Variants in ZNF644 observed in about 807,000 individuals in gnomAD.
The protein encoded by ZNF644 is zinc finger motif enhancer binding protein 2.
In ZNF644, 20 loss-of-function variants were observed where a neutral mutation model predicts 108.0. The ratio of observed to expected loss-of-function variants is 0.19; its 90% CI spans 0.13 to 0.27. The LOEUF (loss-of-function observed/expected upper bound fraction) is 0.27, where lower values mean the gene tolerates loss of function less well. ZNF644 is among the 10% of genes least tolerant of loss of function. The pLI is 1.00. For missense variants in ZNF644, 1,338 were observed against 1,548.9 expected, an observed-to-expected ratio of 0.86 and a Z score of 2.29; for synonymous variants, 542 against 539.1, an observed-to-expected ratio of 1.01 and a Z score of -0.08.
In ZNF644 at chr1:90,923,550, G is replaced by A. The variant is rs1570336546; in HGVS notation, c.3689-5396C>T. Among the ~76,000 whole-genome samples, 6 of 152,058 alleles carry A rather than the reference G, an allele frequency of 3.9e-5. No individual in the cohort carries two copies. The South Asian group carries it at 1.2e-3, about 32-fold the overall frequency. ...CATGAAGTATAAAGATACACATTTG[G>A]TCACCTCAAAAGTATTTATTTTCAT... On this transcript the variant is annotated intron_variant, in intron 4 of 5. Transcript: ENST00000337393.
In ZNF644 at chr1:90,938,730, T is replaced by G. The variant is rs775361416; in HGVS notation, c.2624A>C (p.Glu875Ala). Residue 875 changes from glutamate to alanine, a missense_variant, in exon 3 of 6, where the codon GAA (glutamate) becomes GCA (alanine). By Grantham distance (107) the Glu-to-Ala change is moderately radical (BLOSUM62 -1). This residue lies in a region of ZNF644 where 462 missense variants were observed against 472.6 expected (regional missense o/e 0.98). Transcript: ENST00000337393. The surrounding 1 kb of genome is among the most constrained non-coding windows in gnomAD (Gnocchi z 4.2). ...ELGDYTTQAI[E>A]DETYSDINQE... ...ATTAATATCACTATAGGTTTCATCT[T>G]CTATGGCCTGTGTAGTGTAGTCTCC... 1.1e-5 allele frequency: 17 copies of G among 1,613,974 alleles called. No homozygotes were observed. In the South Asian group the frequency reaches 1.9e-4, roughly 18 times the overall value.
At position 90,985,980 on chromosome 1, in the gene ZNF644, A is replaced by G. The variant is rs181420269; in HGVS notation, c.-17-3610T>C. Among the ~76,000 whole-genome samples, 41 of 152,224 alleles carry G rather than the reference A, an allele frequency of 2.7e-4. 2 individuals carry two copies. The East Asian group carries it at 7.1e-3, about 26-fold the overall frequency. Reference sequence around the variant, plus strand: ...ACATTTGTTATCTTTTGTCTTTTTGATAATAGCAAATAAATTTTTTTAAAA... The same window carrying G: ...ACATTTGTTATCTTTTGTCTTTTTGGTAATAGCAAATAAATTTTTTTAAAA... On this transcript the variant is annotated intron_variant, in intron 1 of 5. Coordinates refer to ENST00000337393, the MANE Select transcript of ZNF644 (RefSeq NM_201269.3).
intron 1 of ZNF644, among the ~76,000 whole-genome samples, chr1:90,982,670 G>C (rs1656680690): frequency 6.6e-6 from 1 of 151,212 alleles, no homozygotes; most frequent in African/African-American, 2.4e-5. Flanking sequence ...TAATAGTATG[G>C]CAATGGCAAT....
intron 1 of ZNF644, among the ~76,000 whole-genome samples, chr1:91,018,266 C>T (rs560353607): frequency 8.5e-5 from 13 of 152,310 alleles, no homozygotes; most frequent in Middle Eastern, 6.8e-3. Flanking sequence ...ATGGTGTAAA[C>T]GGCTTGCACT....
chr1:90,977,983 T>C (rs773114361), intron 2 of ZNF644, among the ~76,000 whole-genome samples: 3 of 152,218 alleles, frequency 2.0e-5, no homozygotes, highest in Non-Finnish European at 2.9e-5. Context: ...AGAGTTTTAC[T>C]TTTTACTTTA....
chr1:90,968,541 C>CT lies in ZNF644; in HGVS notation c.44+13768dup, dbSNP rs1406682516. ...GAGAAAATAAGGAAAATTTAAATCT[C>CT]TGTCACATTTATTGTTGTATCATTA... On this transcript the variant is annotated intron_variant, in intron 2 of 5. Transcript: ENST00000337393. Among the ~76,000 whole-genome samples, 6 of 152,164 alleles carry CT rather than the reference C, an allele frequency of 3.9e-5. No individual in the cohort carries two copies. In the East Asian group the frequency reaches 1.2e-3, roughly 29 times the overall value.
chr1:90,997,135 G>C (rs1418898640), intron 1 of ZNF644, among the ~76,000 whole-genome samples: 9 of 152,164 alleles, frequency 5.9e-5, no homozygotes, highest in Non-Finnish European at 1.0e-4. Flanking sequence ...ACATATTCCT[G>C]AGACTCTAGA....
At chr1:91,000,542 T>C (rs1247163955) in intron 1 of ZNF644, among the ~76,000 whole-genome samples, 7 of 151,836 alleles carry the variant, frequency 4.6e-5, no homozygotes. Flanking sequence ...TAAAGCAGTG[T>C]GTAGAGGGAA....
chr1:90,959,304 C>G (rs185090734), intron 2 of ZNF644, among the ~76,000 whole-genome samples: 104 of 152,280 alleles, frequency 6.8e-4, no homozygotes, highest in Non-Finnish European at 1.3e-3. Flanking sequence ...CCCTCATACA[C>G]TGCTGGTGGG....
Position 90,941,274 on chromosome 1 carries a change from T to A in ZNF644, c.80A>T (p.Asp27Val), listed in dbSNP as rs2100972844. Residue 27 changes from aspartate to valine, a missense_variant, in exon 3 of 6, where the codon GAT becomes GTT. By Grantham distance (152) the Asp-to-Val change is radical (BLOSUM62 -3). This residue lies in a region of ZNF644 where 464 missense variants were observed against 457.9 expected (regional missense o/e 1.01). Coordinates refer to ENST00000337393, the MANE Select transcript of ZNF644 (RefSeq NM_201269.3). ...AATATCGGTGTTTATCTTCAAATCATCCATATTGTTGGCAAGCCCATTTAA... is the reference window on the plus strand; with the variant it reads ...AATATCGGTGTTTATCTTCAAATCAACCATATTGTTGGCAAGCCCATTTAA... ...NVLNGLANNM[D>V]DLKINTDITG... The A allele has an allele frequency of 6.3e-7, 1 of 1,598,562 alleles. No homozygotes were observed.
chr1:90,926,979 A>T (rs978043027), intron 4 of ZNF644, among the ~76,000 whole-genome samples: 1 of 152,172 alleles, frequency 6.6e-6, no homozygotes, highest in Non-Finnish European at 1.5e-5. Flanking sequence ...TCACTTTACC[A>T]GTCCAACTCA....
chr1:91,016,112 G>A (rs753558330), intron 1 of ZNF644, among the ~76,000 whole-genome samples: 9 of 151,990 alleles, frequency 5.9e-5, no homozygotes, highest in Non-Finnish European at 1.3e-4. Flanking sequence ...GTGATTCTAT[G>A]TGTGTGTGTG....
intron 4 of ZNF644, among the ~76,000 whole-genome samples, chr1:90,922,768 T>C (rs1474619331): frequency 6.6e-6 from 1 of 152,066 alleles, no homozygotes; most frequent in African/African-American, 2.4e-5. Flanking sequence ...GGCCCCAGTC[T>C]GTTGCTCCCT....
Position 90,915,396 on chromosome 1 carries a change from T to C in ZNF644, c.*1402A>G, listed in dbSNP as rs1470651246. Reference sequence around the variant, plus strand: ...CACTGGCAGTGAGGTATGTATATACTCTACCAAAATACTCCTTATTTTAAC... The same window carrying C: ...CACTGGCAGTGAGGTATGTATATACCCTACCAAAATACTCCTTATTTTAAC... On this transcript the variant is annotated 3_prime_UTR_variant, in exon 6 of 6. Transcript: ENST00000337393. 1 of 152,600 alleles carries C rather than the reference T, an allele frequency of 6.6e-6. No homozygotes were observed. The highest frequency in any genetic ancestry group is 2.4e-5 in the African/African-American group (1 of 41,452). 9.5% of individuals were successfully genotyped at this position (152,600 alleles called of 1,614,324 possible).
chr1:90,973,856 A>G (rs1430139103), intron 2 of ZNF644, among the ~76,000 whole-genome samples: 3 of 152,094 alleles, frequency 2.0e-5, no homozygotes, highest in Non-Finnish European at 2.9e-5. Flanking sequence ...ACTTCCTAGT[A>G]ATGAGATGTA....
chr1:90,962,038 C>T (rs1654386815), intron 2 of ZNF644, among the ~76,000 whole-genome samples: 1 of 151,880 alleles, frequency 6.6e-6, no homozygotes, highest in African/African-American at 2.4e-5. Context: ...TTAAAAAGTT[C>T]AAAGGGATCC....
At chr1:90,994,862 A>G (rs947897148) in intron 1 of ZNF644, among the ~76,000 whole-genome samples, 1 of 152,172 alleles carries the variant, frequency 6.6e-6, no homozygotes, top group African/African-American at 2.4e-5. Flanking sequence ...CAAGCCAAAA[A>G]AGCAGCAATG....
At chr1:90,922,083 T>C (rs1218812080) in intron 4 of ZNF644, among the ~76,000 whole-genome samples, 1 of 152,206 alleles carries the variant, frequency 6.6e-6, no homozygotes, top group Non-Finnish European at 1.5e-5. Context: ...ATTGCTTCAA[T>C]GAGTTTCATT....
intron 4 of ZNF644, among the ~76,000 whole-genome samples, chr1:90,920,870 A>C (rs1321800960): frequency 2.0e-5 from 3 of 152,096 alleles, no homozygotes; most frequent in African/African-American, 7.2e-5. Flanking sequence ...CAGTGTTTTA[A>C]TATCTTCATC....
Sources: gnomAD v4.1 joint callset for allele counts (sites outside exome capture counted in the v4.1 genomes callset) on GRCh38, gnomAD v4.1.1 for gene constraint, gnomAD v4.1.1 regional missense constraint, Gnocchi (gnomAD v3.1) non-coding constraint, MANE v1.5 for transcripts, NCBI Gene and HGNC (gene_info 2026-07-23, HGNC 2026-07-21) for gene names.